RGS17: variants seen among roughly 807,000 people sequenced by gnomAD.
RGS17 encodes regulator of G protein signaling 17.
Under a neutral mutation model 25.5 loss-of-function variants are expected in RGS17, and 12 were observed. The ratio of observed to expected loss-of-function variants is 0.47; its 90% CI spans 0.30 to 0.76. The LOEUF (loss-of-function observed/expected upper bound fraction) is 0.76, where lower values mean the gene tolerates loss of function less well. Among genes scored for constraint, RGS17 ranks in the 30% least tolerant of loss-of-function variants. The pLI, the probability that RGS17 is intolerant of heterozygous loss-of-function variation, is 0.07. For missense variants in RGS17, 196 were observed against 242.2 expected (o/e 0.81, Z 1.27); for synonymous variants, 71 against 76.9 (o/e 0.92, Z 0.40).
chr6:153,027,976 T>G (rs1281344083), intron 2 of RGS17, among the ~76,000 whole-genome samples: 1 of 152,154 alleles, frequency 6.6e-6, no homozygotes, highest in Non-Finnish European at 1.5e-5. Context: ...CATTCTCAAG[T>G]GCAAGCGTGA....
chr6:153,129,640 T>TA (rs1161870524), intron 1 of RGS17, among the ~76,000 whole-genome samples: 1 of 152,096 alleles, frequency 6.6e-6, no homozygotes, highest in African/African-American at 2.4e-5. Flanking sequence ...CAGAACTGCT[T>TA]ATTCTAGATG....
At chr6:153,063,313 A>C (rs1283356755) in intron 1 of RGS17, among the ~76,000 whole-genome samples, 1 of 152,196 alleles carries the variant, frequency 6.6e-6, no homozygotes, top group African/African-American at 2.4e-5. Flanking sequence ...AGTTTTGAGG[A>C]AACCCAAAGA....
chr6:153,041,794 T>C (rs1001945562), intron 2 of RGS17, among the ~76,000 whole-genome samples: 8 of 152,248 alleles, frequency 5.3e-5, no homozygotes, highest in African/African-American at 1.9e-4. Context: ...TTTTGTGTTA[T>C]AGCCACAAAC....
At chr6:153,040,184 G>T (rs559837571) in intron 2 of RGS17, among the ~76,000 whole-genome samples, 1 of 152,166 alleles carries the variant, frequency 6.6e-6, no homozygotes, top group East Asian at 1.9e-4. Context: ...AGACTGACGT[G>T]GGGGGAGAAA....
intron 1 of RGS17, among the ~76,000 whole-genome samples, chr6:153,060,736 G>A (rs2129114747): frequency 6.6e-6 from 1 of 150,552 alleles, no homozygotes; most frequent in Non-Finnish European, 1.5e-5. Context: ...TTCTTAAAAT[G>A]TCGGTGCCTA....
At chr6:153,109,038 T>C (rs571206847) in intron 1 of RGS17, among the ~76,000 whole-genome samples, 2 of 152,300 alleles carry the variant, frequency 1.3e-5, no homozygotes, top group Admixed American at 6.5e-5. Flanking sequence ...CAAAATCACT[T>C]ACTCCTCTTT....
At chr6:153,058,882 GTA>G (rs1776599275) in intron 1 of RGS17, among the ~76,000 whole-genome samples, 1 of 147,108 alleles carries the variant, frequency 6.8e-6, no homozygotes, top group Non-Finnish European at 1.5e-5. Context: ...TCCTGGAAGG[GTA>G]TACTCGTTAG....
At chr6:153,015,224 G>C (rs1004362201) in intron 4 of RGS17, among the ~76,000 whole-genome samples, 1 of 152,220 alleles carries the variant, frequency 6.6e-6, no homozygotes, top group Non-Finnish European at 1.5e-5. Flanking sequence ...TTGTTGAAAT[G>C]ACAACAAAGG....
At position 153,130,156 on chromosome 6, in the gene RGS17, G is replaced by C. The variant is rs1777764825; in HGVS notation, c.-26+968C>G. Among the ~76,000 whole-genome samples, 1 of 152,158 alleles carries C rather than the reference G, an allele frequency of 6.6e-6. No homozygotes were observed. Among genetic ancestry groups the C allele is most frequent in the Non-Finnish European group, 1.5e-5 (1 of 68,016 alleles). ...CTCCGGCATTTATTCAGGGAGACAG[G>C]GAGGCAGAGAGAAGAGGAGAAAGCG... On this transcript the variant is annotated intron_variant, in intron 1 of 4. Transcript: ENST00000206262. The surrounding 1 kb of genome is among the most constrained non-coding windows in gnomAD (Gnocchi z 6.4).
Position 153,117,822 on chromosome 6 carries a change from C to T in RGS17, c.-26+13302G>A, listed in dbSNP as rs188382247. 2.0e-5 allele frequency among the ~76,000 whole-genome samples: 3 copies of T among 152,318 alleles called. No homozygotes were observed. The East Asian group carries it at 5.8e-4, about 29-fold the overall frequency. ...TAAAACATTCATTCCTTCAACATAT[C>T]AATCACTGGCACTGCTTGGTGTACT... is the stretch of plus-strand genomic sequence containing the variant. On this transcript the variant is annotated intron_variant, in intron 1 of 4. Transcript: ENST00000206262.
intron 4 of RGS17, among the ~76,000 whole-genome samples, chr6:153,020,485 T>C (rs1479217033): frequency 6.6e-6 from 1 of 152,046 alleles, no homozygotes; most frequent in African/African-American, 2.4e-5. Context: ...ATGCTCAAAT[T>C]ATTACAAATG....
intron 1 of RGS17, among the ~76,000 whole-genome samples, chr6:153,110,431 C>CACACACACACAA (rs1562336760): frequency 1.3e-5 from 2 of 151,356 alleles, no homozygotes; most frequent in African/African-American, 4.9e-5. Context: ...AACATACACA[C>CACACACACACAA]ACACACACAC....
Position 153,011,177 on chromosome 6 carries a change from A to G in RGS17, c.*397T>C, listed in dbSNP as rs1233486386. On this transcript the variant is annotated 3_prime_UTR_variant, in exon 5 of 5. Coordinates refer to ENST00000206262, the MANE Select transcript of RGS17 (RefSeq NM_012419.5). ...TTTTTGGCAATTATTTCTTAAGACC[A>G]TATTGCACAAAAGTCCTTAAATACA... The G allele has an allele frequency of 6.2e-6, 1 of 160,560 alleles. No individual in the cohort carries two copies. The highest frequency in any genetic ancestry group is 2.4e-5 in the African/African-American group (1 of 41,572). 9.9% of individuals were successfully genotyped at this position (160,560 alleles called of 1,614,324 possible).
chr6:153,036,553 A>C (rs1404000298), intron 2 of RGS17, among the ~76,000 whole-genome samples: 2 of 152,142 alleles, frequency 1.3e-5, no homozygotes, highest in African/African-American at 2.4e-5. Context: ...GTCATATTTC[A>C]TCCACGCTTG....
chr6:153,035,302 T>C (rs1158589671), intron 2 of RGS17, among the ~76,000 whole-genome samples: 4 of 152,188 alleles, frequency 2.6e-5, no homozygotes, highest in Admixed American at 2.0e-4. Flanking sequence ...TTATAGCATT[T>C]ATACATGCTA....
chr6:153,102,344 A>T (rs1777318546), intron 1 of RGS17, among the ~76,000 whole-genome samples: 1 of 152,238 alleles, frequency 6.6e-6, no homozygotes, highest in South Asian at 2.1e-4. Flanking sequence ...CCTGTGTGAA[A>T]ATTCAGACAG....
chr6:153,048,265 C>A (rs917160593), intron 1 of RGS17, among the ~76,000 whole-genome samples: 6 of 152,136 alleles, frequency 3.9e-5, no homozygotes, highest in Non-Finnish European at 8.8e-5. Context: ...ATTTTTCACA[C>A]CAAAAAATCC....
intron 1 of RGS17, among the ~76,000 whole-genome samples, chr6:153,123,760 A>T (rs966964686): frequency 2.0e-5 from 3 of 152,192 alleles, no homozygotes; most frequent in Non-Finnish European, 4.4e-5. Flanking sequence ...GACCCGGAAG[A>T]AGGGCAGGGA....
intron 1 of RGS17, among the ~76,000 whole-genome samples, chr6:153,068,319 T>G (rs756769896): frequency 6.6e-5 from 10 of 152,048 alleles, no homozygotes; most frequent in Non-Finnish European, 1.2e-4. Flanking sequence ...TGGTGGTGCA[T>G]GCCTGCAGTC....
Sources: allele counts gnomAD v4.1 joint callset (sites outside exome capture counted in the v4.1 genomes callset), GRCh38; gene constraint gnomAD v4.1.1; non-coding constraint Gnocchi (gnomAD v3.1); transcripts MANE v1.5; gene names NCBI Gene and HGNC (gene_info 2026-07-23, HGNC 2026-07-21).